The following PARP8 variants were observed in gnomAD, a reference collection of about 807,000 sequenced individuals.
PARP8 encodes poly(ADP-ribose) polymerase family member 8.
A neutral mutation model predicts 124.1 loss-of-function variants in PARP8; 51 were observed. The observed-to-expected ratio is 0.41, with a 90% CI of 0.33 to 0.52. PARP8 has a LOEUF of 0.52. Ranked by LOEUF, PARP8 falls within the 20% of genes least tolerant of loss-of-function variation. The pLI, the probability that PARP8 is intolerant of heterozygous loss-of-function variation, is 0.21. For missense variants in PARP8, 860 were observed against 1,018.9 expected, an observed-to-expected ratio of 0.84 and a Z score of 2.12; for synonymous variants, 391 against 361.5, an observed-to-expected ratio of 1.08 and a Z score of -0.93.
chr5:50,728,276 G>A (rs1476609121), intron 2 of PARP8, among the ~76,000 whole-genome samples: 1 of 152,094 alleles, frequency 6.6e-6, no homozygotes, highest in African/African-American at 2.4e-5. Context: ...TGTAATTTTA[G>A]AGTTGGGTAT....
chr5:50,779,245 A>T (rs1740388820), intron 9 of PARP8, among the ~76,000 whole-genome samples: 1 of 151,994 alleles, frequency 6.6e-6, no homozygotes, highest in South Asian at 2.1e-4. Context: ...ACACAATTGT[A>T]TCTACTTATA....
chr5:50,787,383 T>C lies in PARP8; in HGVS notation c.671-1140T>C, dbSNP rs1247783604. Among the ~76,000 whole-genome samples, 7 of 152,268 alleles carry C rather than the reference T, an allele frequency of 4.6e-5. No individual in the cohort carries two copies. In the East Asian group the frequency reaches 1.4e-3, roughly 29 times the overall value. On this transcript the variant is annotated intron_variant, in intron 9 of 25. Transcript: ENST00000281631. ...ACTGTTCTCCAAGCTGTTCCTAGGA[T>C]ATTTCAGCATATTTTCTCTTCAGGG...
rs1263431963 is a variant in PARP8, at chr5:50,843,216, T to C, written c.*1148T>C. ...TTCATCAAAATCATTTCTTATTCTT[T>C]GAGTCCTAGAGTTCTTATTCATCAA... On this transcript the variant is annotated 3_prime_UTR_variant, in exon 26 of 26. Transcript: ENST00000281631. 1 of 151,772 alleles carries C rather than the reference T, an allele frequency of 6.6e-6. No homozygotes were observed. Among genetic ancestry groups the C allele is most frequent in the African/African-American group, 2.4e-5 (1 of 41,372 alleles). The allele number at this position is 151,772 out of a possible 1,614,324, so 9.4% of individuals were successfully genotyped here. A position where few individuals can be genotyped will look rare whatever the true frequency, so the allele number is the denominator to read the frequency against.
At chr5:50,829,347 G>A (rs762352764) in intron 21 of PARP8, among the ~76,000 whole-genome samples, 6 of 152,126 alleles carry the variant, frequency 3.9e-5, no homozygotes, top group Non-Finnish European at 7.3e-5. Flanking sequence ...TCAATTAAAT[G>A]TTAAATGTGT....
intron 14 of PARP8, among the ~76,000 whole-genome samples, chr5:50,813,442 T>C (rs1224954466): frequency 6.6e-6 from 1 of 152,228 alleles, no homozygotes; most frequent in African/African-American, 2.4e-5. Context: ...ACATTGATTT[T>C]GTATCCTGAG....
At chr5:50,673,094 A>G (rs923562053) in intron 2 of PARP8, among the ~76,000 whole-genome samples, 5 of 152,176 alleles carry the variant, frequency 3.3e-5, no homozygotes, top group Non-Finnish European at 7.3e-5. Flanking sequence ...ATCACTTATT[A>G]TATATTCAAA....
rs187141425 is a variant in PARP8, at chr5:50,826,593, A to G, written c.1929-162A>G. Among the ~76,000 whole-genome samples, 16 of 152,240 alleles carry G rather than the reference A, an allele frequency of 1.1e-4. No individual in the cohort carries two copies. The East Asian group carries it at 2.9e-3, about 28-fold the overall frequency. On this transcript the variant is annotated intron_variant, in intron 18 of 25. Transcript: ENST00000281631. The stretch of plus-strand genomic sequence containing the variant: ...CTTTTTTGTTACATAAGCTCTTTAA[A>G]TTGTTTCAGGAAACAAACCTAAATT...
intron 14 of PARP8, among the ~76,000 whole-genome samples, chr5:50,813,666 G>T (rs999027672): frequency 2.0e-5 from 3 of 152,134 alleles, no homozygotes; most frequent in Admixed American, 6.6e-5. Flanking sequence ...TCCCTGTCTT[G>T]TGCCAGTTTT....
At chr5:50,748,036 A>C (rs1758807072) in intron 2 of PARP8, among the ~76,000 whole-genome samples, 1 of 151,948 alleles carries the variant, frequency 6.6e-6, no homozygotes, top group Non-Finnish European at 1.5e-5. Context: ...CATTCAATGA[A>C]GTTATTGATA....
intron 3 of PARP8, among the ~76,000 whole-genome samples, chr5:50,753,577 C>A (rs763682954): frequency 4.6e-4 from 70 of 152,090 alleles, no homozygotes; most frequent in Admixed American, 9.2e-4. Flanking sequence ...CAGGCAGATT[C>A]AAGTTTTACC....
At position 50,795,076 on chromosome 5, in the gene PARP8, T is replaced by A; in HGVS notation, c.1087T>A (p.Leu363Met). The A allele has an allele frequency of 6.2e-7, 1 of 1,614,192 alleles. No individual in the cohort carries two copies. Among genetic ancestry groups the A allele is most frequent in the South Asian group, 1.1e-5 (1 of 91,084 alleles). The change falls in exon 12 of 26, where the codon TTG becomes ATG. Residue 363 changes from leucine to methionine, a missense_variant. Physicochemically the swap from Leu to Met is conservative, Grantham distance 15. Coordinates refer to ENST00000281631, the MANE Select transcript of PARP8 (RefSeq NM_024615.4). Reference sequence around the variant, plus strand: ...GACAGCAATTAAATCGCACAAACTTTTGAACCGTCCTTGCCCTGCAGCTGT... The same window carrying A: ...GACAGCAATTAAATCGCACAAACTTATGAACCGTCCTTGCCCTGCAGCTGT... ...AMTAIKSHKL[L>M]NRPCPAAVKS...
chr5:50,708,757 T>G (rs912483687), intron 2 of PARP8, among the ~76,000 whole-genome samples: 2 of 151,858 alleles, frequency 1.3e-5, no homozygotes, highest in Non-Finnish European at 2.9e-5. Context: ...TGGAGACTCC[T>G]GTCTTAGGAA....
intron 2 of PARP8, among the ~76,000 whole-genome samples, chr5:50,733,148 A>C (rs1244198340): frequency 1.3e-5 from 2 of 151,720 alleles, no homozygotes; most frequent in African/African-American, 2.4e-5. Context: ...CTAAAAATAC[A>C]AAAAAATTAG....
rs1746182081 is a variant in PARP8 at position 50,824,963 on chromosome 5, C to T, written c.1916C>T (p.Pro639Leu). The change falls in exon 18 of 26, where the codon CCC (proline) becomes CTC (leucine). Residue 639 changes from proline to leucine, a missense_variant. Physicochemically the swap from Pro to Leu is moderately conservative, Grantham distance 98. Around this residue, in one of 2 missense-constraint regions of PARP8, gnomAD observed 343 missense variants for 474.7 expected, o/e 0.72. Transcript: ENST00000281631. Reference sequence around the variant, plus strand: ...GATAAACAGGACCCCCTTGCTCATCCCTTACTGCAATGGTATAAAATTCTA... The same window carrying T: ...GATAAACAGGACCCCCTTGCTCATCTCTTACTGCAATGGTATAAAATTCTA... ...QMDKQDPLAH[P>L]LLQWVISSNR... is the part of the protein sequence containing the mutation. The T allele has an allele frequency of 1.2e-6, 2 of 1,611,274 alleles. No homozygotes were observed. Among genetic ancestry groups the T allele is most frequent in the Non-Finnish European group, 1.7e-6 (2 of 1,177,648 alleles).
Position 50,843,758 on chromosome 5 carries a change from G to A in PARP8, c.*1690G>A, listed in dbSNP as rs1468820973. The A allele has an allele frequency of 6.6e-6, 1 of 151,746 alleles. No individual in the cohort carries two copies. The highest frequency in any genetic ancestry group is 1.5e-5 in the Non-Finnish European group (1 of 67,800). The allele number at this position is 151,746 out of a possible 1,614,324, so 9.4% of individuals were successfully genotyped here. On this transcript the variant is annotated 3_prime_UTR_variant, in exon 26 of 26. Coordinates refer to ENST00000281631, the MANE Select transcript of PARP8 (RefSeq NM_024615.4). ...GATTAGTGTGGGACATGAGGACCTT[G>A]CTACTTTTTTGCCAAGATGCTGCAA... is the stretch of plus-strand genomic sequence containing the variant.
chr5:50,666,895 C>G lies in PARP8; in HGVS notation c.-201C>G. The G allele has an allele frequency of 2.2e-6, 3 of 1,361,552 alleles. No homozygotes were observed. Among genetic ancestry groups the G allele is most frequent in the Non-Finnish European group, 2.8e-6 (3 of 1,067,098 alleles). The allele number at this position is 1,361,552 out of a possible 1,614,324, so 84.3% of individuals were successfully genotyped here. A position where few individuals can be genotyped will look rare whatever the true frequency, so the allele number is the denominator to read the frequency against. ...GCGGTCACATCTGGGAATGCAAAGCCGACCTCCCCCTCCTCCTCCTCCTCC... is the reference window on the plus strand; with the variant it reads ...GCGGTCACATCTGGGAATGCAAAGCGGACCTCCCCCTCCTCCTCCTCCTCC... On this transcript the variant is annotated 5_prime_UTR_variant, in exon 1 of 26. Coordinates refer to ENST00000281631, the MANE Select transcript of PARP8 (RefSeq NM_024615.4).
chr5:50,825,556 C>T (rs1288831810), intron 18 of PARP8, among the ~76,000 whole-genome samples: 5 of 152,136 alleles, frequency 3.3e-5, no homozygotes, highest in African/African-American at 4.8e-5. Context: ...AGTCACCTTG[C>T]TGTGATGCCC....
rs555741378 is a variant in PARP8 at position 50,742,724 on chromosome 5, A to G, written c.147-7427A>G. On this transcript the variant is annotated intron_variant, in intron 2 of 25. Transcript: ENST00000281631. ...GTTAATAGATAATATTGAGAACCACATGTCTGTAGGGCACCAGGCCCCTTA... is the reference window on the plus strand; with the variant it reads ...GTTAATAGATAATATTGAGAACCACGTGTCTGTAGGGCACCAGGCCCCTTA... 3.9e-5 allele frequency among the ~76,000 whole-genome samples: 6 copies of G among 152,300 alleles called. No individual in the cohort carries two copies. In the South Asian group the frequency reaches 1.0e-3, roughly 26 times the overall value.
chr5:50,702,164 TA>T (rs1753666269), intron 2 of PARP8, among the ~76,000 whole-genome samples: 1 of 152,138 alleles, frequency 6.6e-6, no homozygotes, highest in African/African-American at 2.4e-5. Context: ...TCTTAACTTT[TA>T]AAAAATAACA....
Sources: gnomAD v4.1 joint callset for allele counts (sites outside exome capture counted in the v4.1 genomes callset) on GRCh38, gnomAD v4.1.1 for gene constraint, gnomAD v4.1.1 regional missense constraint, MANE v1.5 for transcripts, NCBI Gene and HGNC (gene_info 2026-07-23, HGNC 2026-07-21) for gene names.